Variants in SHISA6 observed in about 807,000 individuals in gnomAD.
The protein encoded by SHISA6 is shisa family member 6.
In SHISA6, 22 loss-of-function variants were observed where a neutral mutation model predicts 47.9. That is an observed-to-expected ratio of 0.46 (90% confidence interval 0.33 to 0.66). The LOEUF (loss-of-function observed/expected upper bound fraction) is 0.66, where lower values mean the gene tolerates loss of function less well. Ranked by LOEUF, SHISA6 falls within the 30% of genes least tolerant of loss-of-function variation. The pLI is 0.02. For missense variants in SHISA6, 680 were observed against 764.6 expected (o/e 0.89, Z 1.30); for synonymous variants, 388 against 337.8 (o/e 1.15, Z -1.63).
Position 11,328,972 on chromosome 17 carries a change from C to T in SHISA6, c.800-50442C>T, listed in dbSNP as rs1011633181. Among the ~76,000 whole-genome samples the T allele has an allele frequency of 3.9e-5, 6 of 152,120 alleles. No individual in the cohort carries two copies. In the East Asian group the frequency reaches 5.8e-4, roughly 15 times the overall value. On this transcript the variant is annotated intron_variant, in intron 2 of 5. Transcript: ENST00000441885. Reference sequence around the variant, plus strand: ...TTGAATGTGCTTCTGCTGCTAATAACGATGGTGATGATGATAACAATAAAT... The same window carrying T: ...TTGAATGTGCTTCTGCTGCTAATAATGATGGTGATGATGATAACAATAAAT...
intron 2 of SHISA6, among the ~76,000 whole-genome samples, chr17:11,317,621 T>A (rs1442380413): frequency 6.6e-6 from 1 of 151,994 alleles, no homozygotes; most frequent in Non-Finnish European, 1.5e-5. Flanking sequence ...TTGTTTTTTT[T>A]AAACTTTGTT....
chr17:11,252,689 A>G (rs543066779), intron 1 of SHISA6, among the ~76,000 whole-genome samples: 4 of 152,298 alleles, frequency 2.6e-5, no homozygotes, highest in South Asian at 4.1e-4. Flanking sequence ...GCTCAGATAC[A>G]ATCACTAGGG....
chr17:11,361,236 G>T lies in SHISA6; in HGVS notation c.800-18178G>T, dbSNP rs148903119. 2.6e-4 allele frequency among the ~76,000 whole-genome samples: 40 copies of T among 151,328 alleles called. No homozygotes were observed. The East Asian group carries it at 6.4e-3, about 24-fold the overall frequency. ...TTGGATTCAATTATTCTGCTTTTTAGTTCATATATACATTGTTTTCATTAG... is the reference window on the plus strand; with the variant it reads ...TTGGATTCAATTATTCTGCTTTTTATTTCATATATACATTGTTTTCATTAG... On this transcript the variant is annotated intron_variant, in intron 2 of 5. Coordinates refer to ENST00000441885, the MANE Select transcript of SHISA6 (RefSeq NM_207386.4).
At chr17:11,407,319 G>A (rs1008833627) in intron 3 of SHISA6, among the ~76,000 whole-genome samples, 11 of 151,982 alleles carry the variant, frequency 7.2e-5, no homozygotes, top group African/African-American at 2.7e-4. Context: ...CTCCAGGTCT[G>A]TGTTCCCCAT....
At chr17:11,277,741 T>C (rs1908975191) in intron 2 of SHISA6, among the ~76,000 whole-genome samples, 1 of 152,064 alleles carries the variant, frequency 6.6e-6, no homozygotes. Flanking sequence ...CCAGATTCCT[T>C]CTATCTGGTT....
chr17:11,467,576 T>C (rs1915841042), intron 3 of SHISA6, among the ~76,000 whole-genome samples: 2 of 152,218 alleles, frequency 1.3e-5, no homozygotes, highest in Non-Finnish European at 2.9e-5. Context: ...CCAAATCTAA[T>C]GCACTTAAGA....
intron 3 of SHISA6, among the ~76,000 whole-genome samples, chr17:11,497,135 C>T (rs1160785341): frequency 3.3e-5 from 5 of 152,138 alleles, no homozygotes; most frequent in African/African-American, 1.2e-4. Context: ...TAGGAGACAC[C>T]CTGAAGCCTT....
In SHISA6 at chr17:11,563,294, C is replaced by T. The variant is rs1014026090; in HGVS notation, c.*4990C>T. On this transcript the variant is annotated 3_prime_UTR_variant, in exon 6 of 6. Coordinates refer to ENST00000441885, the MANE Select transcript of SHISA6 (RefSeq NM_207386.4). ...CAAGTCTGGACACTGAGGCTCCATT[C>T]CAACTGGAGGAGGAGGCATCTCCAT... 1.3e-5 allele frequency: 2 copies of T among 152,228 alleles called. No individual in the cohort carries two copies. Among genetic ancestry groups the T allele is most frequent in the Non-Finnish European group, 2.9e-5 (2 of 68,070 alleles). 9.4% of individuals were successfully genotyped at this position (152,228 alleles called of 1,614,324 possible). A position where few individuals can be genotyped will look rare whatever the true frequency, so the allele number is the denominator to read the frequency against.
At chr17:11,404,555 C>T (rs1913885048) in intron 3 of SHISA6, among the ~76,000 whole-genome samples, 1 of 152,138 alleles carries the variant, frequency 6.6e-6, no homozygotes, top group African/African-American at 2.4e-5. Context: ...TTTATAAGGG[C>T]CTGGCACTCT....
rs867977405 is a variant in SHISA6 at position 11,525,658 on chromosome 17, A to C, written c.896-26238A>C. Among the ~76,000 whole-genome samples the C allele has an allele frequency of 1.9e-3, 251 of 131,738 alleles. 1 individual carries two copies. Among genetic ancestry groups the C allele is most frequent in the Non-Finnish European group, 3.6e-3 (212 of 58,326 alleles). 86.4% of individuals were successfully genotyped at this position (131,738 alleles called of 152,430 possible). A position where few individuals can be genotyped will look rare whatever the true frequency, so the allele number is the denominator to read the frequency against. ...AAAAAAAAAAAAAAAAAAACAAAAAAAAAAAAACGTGTTATAATAAACAAG... is the reference window on the plus strand; with the variant it reads ...AAAAAAAAAAAAAAAAAAACAAAAACAAAAAAACGTGTTATAATAAACAAG... On this transcript the variant is annotated intron_variant, in intron 3 of 5. Transcript: ENST00000441885.
intron 3 of SHISA6, among the ~76,000 whole-genome samples, chr17:11,443,316 C>T (rs551725895): frequency 3.3e-5 from 5 of 152,246 alleles, no homozygotes; most frequent in East Asian, 1.9e-4. Context: ...ATGAAGATAA[C>T]GAAGTGTGTC....
chr17:11,253,265 T>A (rs1365591780), intron 1 of SHISA6, among the ~76,000 whole-genome samples: 2 of 151,984 alleles, frequency 1.3e-5, no homozygotes, highest in African/African-American at 2.4e-5. Flanking sequence ...CCGCATCGAT[T>A]TAGATGCCAC....
intron 2 of SHISA6, among the ~76,000 whole-genome samples, chr17:11,340,137 T>C (rs1010262629): frequency 6.6e-6 from 1 of 152,212 alleles, no homozygotes; most frequent in Non-Finnish European, 1.5e-5. Flanking sequence ...CCTATAAATA[T>C]AACCATGTAA....
rs770845288 is a variant in SHISA6, at chr17:11,271,601, C to CTT, written c.799+8104_799+8105dup. Among the ~76,000 whole-genome samples, 108 of 99,674 alleles carry CTT rather than the reference C, an allele frequency of 1.1e-3. 4 individuals are homozygous for CTT. Among genetic ancestry groups the CTT allele is most frequent in the African/African-American group, 4.3e-3 (97 of 22,440 alleles). 65.4% of individuals were successfully genotyped at this position (99,674 alleles called of 152,430 possible). On this transcript the variant is annotated intron_variant, in intron 2 of 5. Transcript: ENST00000441885. The stretch of plus-strand genomic sequence containing the variant: ...TACAGGTGCACACCACCACGCCTGG[C>CTT]TTTTTTTTTTTTTTTTTTTTTTTTT...
At chr17:11,503,109 G>T (rs1384029930) in intron 3 of SHISA6, among the ~76,000 whole-genome samples, 1 of 152,126 alleles carries the variant, frequency 6.6e-6, no homozygotes, top group Non-Finnish European at 1.5e-5. Flanking sequence ...GGTTCTAGAG[G>T]TCATCTAGAG....
chr17:11,457,632 T>C (rs1483410024), intron 3 of SHISA6, among the ~76,000 whole-genome samples: 1 of 151,218 alleles, frequency 6.6e-6, no homozygotes. Flanking sequence ...TCGCAGCTAC[T>C]TGGGAGGCTA....
intron 2 of SHISA6, among the ~76,000 whole-genome samples, chr17:11,313,004 G>C (rs1438935223): frequency 6.6e-6 from 1 of 152,006 alleles, no homozygotes; most frequent in Non-Finnish European, 1.5e-5. Flanking sequence ...CAATTTCCCT[G>C]GTGTAAAAAT....
Position 11,241,385 on chromosome 17 carries a change from C to A in SHISA6, c.-38C>A. 2 of 1,057,532 alleles carry A rather than the reference C, an allele frequency of 1.9e-6. No homozygotes were observed. The highest frequency in any genetic ancestry group is 2.3e-6 in the Non-Finnish European group (2 of 879,042). The allele number at this position is 1,057,532 out of a possible 1,614,324, so 65.5% of individuals were successfully genotyped here. Reference sequence around the variant, plus strand: ...CCGGCCCGCCGGGGGAGCGGCCTGCCGCGGAAGCCTCCCCGCGCCCTCCCG... The same window carrying A: ...CCGGCCCGCCGGGGGAGCGGCCTGCAGCGGAAGCCTCCCCGCGCCCTCCCG... On this transcript the variant is annotated 5_prime_UTR_variant, in exon 1 of 6. Coordinates refer to ENST00000441885, the MANE Select transcript of SHISA6 (RefSeq NM_207386.4). The surrounding 1 kb of genome is among the most constrained non-coding windows in gnomAD (Gnocchi z 5.5).
intron 3 of SHISA6, among the ~76,000 whole-genome samples, chr17:11,424,828 C>T (rs889266702): frequency 2.0e-5 from 3 of 151,588 alleles, no homozygotes; most frequent in African/African-American, 7.3e-5. Context: ...ATGGTGAAAC[C>T]CCGTCTCTAC....
Sources: allele counts gnomAD v4.1 joint callset (sites outside exome capture counted in the v4.1 genomes callset), GRCh38; gene constraint gnomAD v4.1.1; non-coding constraint Gnocchi (gnomAD v3.1); transcripts MANE v1.5; gene names NCBI Gene and HGNC (gene_info 2026-07-23, HGNC 2026-07-21).